STIM1: variants seen among roughly 807,000 people sequenced by gnomAD.
STIM1 encodes the protein stromal interaction molecule 1.
STIM1 carries 25 observed loss-of-function variants against 74.7 expected under a neutral mutation model. The observed-to-expected ratio is 0.33, with a 90% CI of 0.24 to 0.47. The LOEUF (loss-of-function observed/expected upper bound fraction) is 0.47, where lower values mean the gene tolerates loss of function less well. STIM1 is among the 20% of genes least tolerant of loss of function. STIM1 has a pLI of 1.00. For missense variants in STIM1, 728 were observed against 920.8 expected, an observed-to-expected ratio of 0.79 and a Z score of 2.71; for synonymous variants, 328 against 348.8, an observed-to-expected ratio of 0.94 and a Z score of 0.66.
At chr11:4,011,885 C>T (rs1233336863) in intron 2 of STIM1, among the ~76,000 whole-genome samples, 3 of 152,012 alleles carry the variant, frequency 2.0e-5, no homozygotes, top group African/African-American at 7.2e-5. Context: ...TAATCCATCT[C>T]TAGTTAATTT....
intron 1 of STIM1, among the ~76,000 whole-genome samples, chr11:3,931,730 A>G (rs769245367): frequency 6.6e-6 from 1 of 152,196 alleles, no homozygotes. Flanking sequence ...TGTAGGGTAA[A>G]TGGACCTGAG....
chr11:3,972,654 A>G (rs1359566554), intron 2 of STIM1, among the ~76,000 whole-genome samples: 1 of 151,882 alleles, frequency 6.6e-6, no homozygotes, highest in Non-Finnish European at 1.5e-5. Context: ...TTTTGCCTAT[A>G]CACATTAATA....
intron 2 of STIM1, among the ~76,000 whole-genome samples, chr11:4,004,565 T>C (rs1198649865): frequency 2.1e-4 from 31 of 150,984 alleles, no homozygotes; most frequent in African/African-American, 4.6e-4. Flanking sequence ...CCCTTCCTTA[T>C]ACCTTATACA....
chr11:4,029,192 AAAAT>A (rs776302820), intron 3 of STIM1, among the ~76,000 whole-genome samples: 1 of 152,076 alleles, frequency 6.6e-6, no homozygotes, highest in Non-Finnish European at 1.5e-5. Flanking sequence ...TCCGTCTCAA[AAAAT>A]AAATAAATAA....
chr11:3,894,052 G>T (rs536816740), intron 1 of STIM1, among the ~76,000 whole-genome samples: 2 of 152,192 alleles, frequency 1.3e-5, no homozygotes, highest in South Asian at 4.2e-4. Flanking sequence ...GGGACTAGAG[G>T]TGTGAGCCAC....
intron 4 of STIM1, among the ~76,000 whole-genome samples, chr11:4,058,561 C>T (rs925191916): frequency 6.6e-6 from 1 of 152,184 alleles, no homozygotes; most frequent in African/African-American, 2.4e-5. Flanking sequence ...TTACCCCCCT[C>T]CTCTTATATC....
chr11:4,086,932 C>T, intron 12 of STIM1: 1 of 1,482,836 alleles, frequency 6.7e-7, no homozygotes, highest in East Asian at 2.5e-5. Flanking sequence ...TTTCTGCCTG[C>T]CAGCTGCTGC....
chr11:3,959,964 T>TA (rs2093267770), intron 1 of STIM1, among the ~76,000 whole-genome samples: 1 of 151,990 alleles, frequency 6.6e-6, no homozygotes, highest in Admixed American at 6.6e-5. Context: ...CACTGTCAGT[T>TA]AAAAAAAATA....
At chr11:4,073,518 G>C (rs1442726) in intron 6 of STIM1, among the ~76,000 whole-genome samples, 36,275 of 152,178 alleles carry the variant, frequency 0.24, 5,484 homozygotes, top group South Asian at 0.44. Context: ...CTCAGTGGCA[G>C]GGAGAGCTTT....
chr11:3,976,251 G>A (rs1008629404), intron 2 of STIM1, among the ~76,000 whole-genome samples: 1 of 152,208 alleles, frequency 6.6e-6, no homozygotes, highest in African/African-American at 2.4e-5. Context: ...GTGAATCTCA[G>A]AGGCATTATC....
At chr11:3,932,667 A>G (rs75321782) in intron 1 of STIM1, among the ~76,000 whole-genome samples, 3 of 56,892 alleles carry the variant, frequency 5.3e-5, no homozygotes, top group Admixed American at 5.2e-4. Context: ...GTCTCAAAGG[A>G]AAAAAAAAAA....
intron 2 of STIM1, among the ~76,000 whole-genome samples, chr11:3,992,367 T>C (rs185227910): frequency 3.3e-5 from 5 of 152,096 alleles, no homozygotes; most frequent in Middle Eastern, 3.4e-3. Context: ...TGAGCCGAGA[T>C]TGGGCCACTG....
chr11:4,019,955 C>T (rs745614120), intron 2 of STIM1, among the ~76,000 whole-genome samples: 1 of 152,174 alleles, frequency 6.6e-6, no homozygotes, highest in Non-Finnish European at 1.5e-5. Context: ...TCCCTGTCTA[C>T]CCTTCCCAGA....
chr11:4,082,478 T>A, intron 8 of STIM1, 127 bp downstream of exon 8: 1 of 1,031,918 alleles, frequency 9.7e-7, no homozygotes, highest in Middle Eastern at 3.0e-4. Flanking sequence ...GGTGGTGGGT[T>A]CTGTTTCTTT....
At chr11:4,025,529 A>G (rs551395958) in intron 3 of STIM1, among the ~76,000 whole-genome samples, 1 of 152,338 alleles carries the variant, frequency 6.6e-6, no homozygotes, top group African/African-American at 2.4e-5. Flanking sequence ...AAAATCTTCC[A>G]TTAGCATCAT....
chr11:4,074,976 TA>T (rs1481220275), intron 7 of STIM1, among the ~76,000 whole-genome samples: 1 of 151,948 alleles, frequency 6.6e-6, no homozygotes, highest in Non-Finnish European at 1.5e-5. Flanking sequence ...CCATCTCTAT[TA>T]AAAATACAAA....
chr11:3,969,702 T>C (rs1423865217), intron 2 of STIM1, among the ~76,000 whole-genome samples: 1 of 152,112 alleles, frequency 6.6e-6, no homozygotes, highest in Non-Finnish European at 1.5e-5. Context: ...GTAAGAAATA[T>C]AGTGGGTTGG....
chr11:3,991,967 A>AAG (rs2093616684), intron 2 of STIM1, among the ~76,000 whole-genome samples: 1 of 108,010 alleles, frequency 9.3e-6, no homozygotes, highest in Non-Finnish European at 2.1e-5. Flanking sequence ...AAAAAAAAAA[A>AAG]AAAAAGAAAA....
chr11:4,090,845 C>T (rs1429803879), intron 12 of STIM1, among the ~76,000 whole-genome samples: 1 of 152,160 alleles, frequency 6.6e-6, no homozygotes, highest in African/African-American at 2.4e-5. Context: ...TGGTGGGGCC[C>T]AGGTATTGGA....
Sources: gnomAD v4.1 joint callset for allele counts (sites outside exome capture counted in the v4.1 genomes callset) on GRCh38, gnomAD v4.1.1 for gene constraint, MANE v1.5 for transcripts, NCBI Gene and HGNC (gene_info 2026-07-23, HGNC 2026-07-21) for gene names.